Variants in MBTD1 observed in about 807,000 individuals in gnomAD.
MBTD1 encodes the protein MBT domain-containing protein 1.
Under a neutral mutation model 87.8 loss-of-function variants are expected in MBTD1, and 24 were observed. The ratio of observed to expected loss-of-function variants is 0.27; its 90% CI spans 0.20 to 0.38. The LOEUF is 0.38. Among genes scored for constraint, MBTD1 ranks in the 10% least tolerant of loss-of-function variants. The probability of loss-of-function intolerance (pLI) is 1.00; values close to 1 mark genes in which losing one functional copy is unlikely to be tolerated. For missense variants in MBTD1, 436 were observed against 760.2 expected, an observed-to-expected ratio of 0.57 and a Z score of 5.02; for synonymous variants, 237 against 248.6, an observed-to-expected ratio of 0.95 and a Z score of 0.44.
At chr17:51,186,693 G>A (rs2050552801) in intron 16 of MBTD1, among the ~76,000 whole-genome samples, 1 of 151,826 alleles carries the variant, frequency 6.6e-6, no homozygotes, top group African/African-American at 2.4e-5. Context: ...AGAATGGCGT[G>A]AACCTGGGAG....
At chr17:51,189,901 G>A (rs1375264148) in intron 16 of MBTD1, among the ~76,000 whole-genome samples, 1 of 152,154 alleles carries the variant, frequency 6.6e-6, no homozygotes, top group Non-Finnish European at 1.5e-5. Flanking sequence ...GTTCTTTTAG[G>A]TGAGTATCAG....
intron 2 of MBTD1, among the ~76,000 whole-genome samples, chr17:51,236,195 C>G (rs779974150): frequency 1.3e-5 from 2 of 151,910 alleles, no homozygotes; most frequent in Non-Finnish European, 2.9e-5. Flanking sequence ...ATATCTATAT[C>G]CCCAGTGTTT....
At chr17:51,183,727 T>C (rs1306995447) in intron 16 of MBTD1, 1 of 152,198 alleles carries the variant, frequency 6.6e-6, no homozygotes, top group Non-Finnish European at 1.5e-5. Context: ...TGATATCAAA[T>C]GCATGACAGT....
intron 6 of MBTD1, 31 bp from the exon 7 acceptor site, chr17:51,207,036 T>G (rs1418410275): frequency 8.1e-7 from 1 of 1,240,810 alleles, no homozygotes; most frequent in Admixed American, 1.7e-5. Flanking sequence ...AATTATTGTC[T>G]TATTAACATA....
intron 16 of MBTD1, chr17:51,191,909 T>C (rs1311188055): frequency 1.0e-5 from 3 of 300,594 alleles, no homozygotes; most frequent in Non-Finnish European, 1.2e-5. Context: ...ATAAAGTTTT[T>C]AAAAAGGATT....
At chr17:51,259,316 ACTCCCACCT>A in intron 1 of MBTD1, 110 bp from the exon 2 acceptor site, 1 of 1,183,988 alleles carries the variant, frequency 8.4e-7, no homozygotes, top group Non-Finnish European at 1.1e-6. Context: ...CCCAAACACC[ACTCCCACCT>A]CTCCCGCACG....
intron 2 of MBTD1, chr17:51,249,708 T>G (rs1568240339): frequency 6.6e-6 from 1 of 152,192 alleles, no homozygotes; most frequent in South Asian, 2.1e-4. Context: ...TGGTTTTCTT[T>G]GTCCCTTTAA....
At chr17:51,184,311 C>T (rs2050440391) in intron 16 of MBTD1, 1 of 152,218 alleles carries the variant, frequency 6.6e-6, no homozygotes, top group African/African-American at 2.4e-5. Flanking sequence ...CTTTTCTTTT[C>T]TCAGCTCTGT....
Position 51,216,564 on chromosome 17 carries a change from T to C in MBTD1, c.486+770A>G, listed in dbSNP as rs549869637. Among the ~76,000 whole-genome samples, 108 of 152,322 alleles carry C rather than the reference T, an allele frequency of 7.1e-4. 1 individual carries two copies. Among genetic ancestry groups the C allele is most frequent in the Middle Eastern group, 3.4e-3 (1 of 294 alleles). On this transcript the variant is annotated intron_variant, in intron 6 of 16. Coordinates refer to ENST00000586178, the MANE Select transcript of MBTD1 (RefSeq NM_017643.3). ...ATTTTAGCTCACAATACTATGTTAC[T>C]AATAGTTCCTTGTTTTTGTGACTTA...
intron 1 of MBTD1, among the ~76,000 whole-genome samples, chr17:51,259,476 C>T (rs2055320792): frequency 1.3e-5 from 2 of 152,296 alleles, no homozygotes; most frequent in South Asian, 4.1e-4. Context: ...AGGACTACTC[C>T]ACTCTCCCAC....
chr17:51,260,457 C>T, upstream of MBTD1: 1 of 1,019,156 alleles, frequency 9.8e-7, no homozygotes. Context: ...GAGTGCTGGT[C>T]ACGTGGCAAG....
chr17:51,228,503 AAAC>A (rs1181644304), intron 2 of MBTD1, among the ~76,000 whole-genome samples: 1 of 151,716 alleles, frequency 6.6e-6, no homozygotes, highest in African/African-American at 2.4e-5. Flanking sequence ...AAAAAAAAAA[AAAC>A]AAGACAAAAC....
At chr17:51,256,141 C>CTG (rs2055075079) in intron 2 of MBTD1, among the ~76,000 whole-genome samples, 2 of 152,220 alleles carry the variant, frequency 1.3e-5, no homozygotes, top group African/African-American at 4.8e-5. Flanking sequence ...CACATCTTAA[C>CTG]ATTTTATCTT....
At chr17:51,202,587 C>A (rs1206821921) in intron 10 of MBTD1, 114 bp downstream of exon 10, 1 of 796,226 alleles carries the variant, frequency 1.3e-6, no homozygotes, top group Non-Finnish European at 2.1e-6. Flanking sequence ...AAGAAGCAGC[C>A]CAAACAACTA....
intron 2 of MBTD1, among the ~76,000 whole-genome samples, chr17:51,243,575 T>C (rs1160125699): frequency 1.3e-5 from 2 of 152,222 alleles, no homozygotes; most frequent in Admixed American, 6.5e-5. Context: ...TTTCCCTAAT[T>C]CACCATCCAC....
Position 51,188,753 on chromosome 17 carries a change from GTTTTTTTTTTTTT to G in MBTD1, c.1768+3437_1768+3449del, listed in dbSNP as rs767959315. Among the ~76,000 whole-genome samples, 11 of 108,882 alleles carry G rather than the reference GTTTTTTTTTTTTT, an allele frequency of 1.0e-4. No homozygotes were observed. In the East Asian group the frequency reaches 2.8e-3, roughly 27 times the overall value. The allele number at this position is 108,882 out of a possible 152,430, so 71.4% of individuals were successfully genotyped here. On this transcript the variant is annotated intron_variant, in intron 16 of 16. Transcript: ENST00000586178. ...ATCCTCAATTCCAACATTCAAATAG[GTTTTTTTTTTTTT>G]TTTTTTTTTTGAGAGGGAGTTTTGC...
intron 2 of MBTD1, among the ~76,000 whole-genome samples, chr17:51,246,575 G>C (rs563410084): frequency 1.3e-5 from 2 of 152,094 alleles, no homozygotes; most frequent in Non-Finnish European, 2.9e-5. Flanking sequence ...TTTTTCTAAG[G>C]CTTTCCAGAT....
intron 2 of MBTD1, among the ~76,000 whole-genome samples, chr17:51,230,542 C>T (rs2053492212): frequency 6.6e-6 from 1 of 152,114 alleles, no homozygotes; most frequent in South Asian, 2.1e-4. Flanking sequence ...CAAGCAGGGG[C>T]GATTAGCTGA....
chr17:51,184,028 T>C (rs1236064799), intron 16 of MBTD1: 1 of 152,234 alleles, frequency 6.6e-6, no homozygotes, highest in Non-Finnish European at 1.5e-5. Flanking sequence ...TGAAGCAATA[T>C]GCATTACTGC....
Sources: allele counts gnomAD v4.1 joint callset (sites outside exome capture counted in the v4.1 genomes callset), GRCh38; gene constraint gnomAD v4.1.1; transcripts MANE v1.5; gene names NCBI Gene and HGNC (gene_info 2026-07-23, HGNC 2026-07-21).